The following ZHX2 variants were observed in gnomAD, a reference collection of about 807,000 sequenced individuals.
ZHX2 encodes zinc fingers and homeoboxes 2, also known as zinc fingers and homeoboxes protein 2.
A neutral mutation model predicts 21.9 loss-of-function variants in ZHX2; 6 were observed. That is an observed-to-expected ratio of 0.27 (90% CI 0.15 to 0.54). The LOEUF is 0.54. ZHX2 is among the 20% of genes least tolerant of loss of function. The probability of loss-of-function intolerance (pLI) is 0.95; values close to 1 mark genes in which losing one functional copy is unlikely to be tolerated. For synonymous variants in ZHX2, 434 were observed against 437.1 expected (o/e 0.99, Z 0.09); for missense variants, 908 against 1,090.7 (o/e 0.83, Z 2.36).
chr8:122,801,208 AATTACCTACTTC>A (rs1287699429), intron 1 of ZHX2, among the ~76,000 whole-genome samples: 46 of 152,336 alleles, frequency 3.0e-4, no homozygotes, highest in African/African-American at 1.1e-3. Context: ...ATTTGTTGCT[AATTACCTACTTC>A]ATTATAAGTA....
chr8:122,879,459 C>T (rs1026795882), intron 2 of ZHX2, among the ~76,000 whole-genome samples: 17 of 151,716 alleles, frequency 1.1e-4, no homozygotes, highest in Non-Finnish European at 1.6e-4. Context: ...CCCACCTTGG[C>T]CTCCCAAAGT....
At chr8:122,936,907 T>C (rs1385037695) in intron 2 of ZHX2, among the ~76,000 whole-genome samples, 1 of 152,232 alleles carries the variant, frequency 6.6e-6, no homozygotes, top group African/African-American at 2.4e-5. Flanking sequence ...GGAATCCCAC[T>C]AATTCTGACT....
At chr8:122,867,810 C>T (rs1563760624) in intron 2 of ZHX2, among the ~76,000 whole-genome samples, 1 of 152,198 alleles carries the variant, frequency 6.6e-6, no homozygotes, top group African/African-American at 2.4e-5. Flanking sequence ...CCCCGTACCA[C>T]CTCCCATCTA....
At chr8:122,921,531 C>T (rs1039143923) in intron 2 of ZHX2, among the ~76,000 whole-genome samples, 3 of 152,030 alleles carry the variant, frequency 2.0e-5, no homozygotes, top group Non-Finnish European at 2.9e-5. Flanking sequence ...AAAAAAGAAG[C>T]GTGGGCGTGG....
At chr8:122,824,420 C>CG (rs1818218552) in intron 1 of ZHX2, among the ~76,000 whole-genome samples, 14 of 152,194 alleles carry the variant, frequency 9.2e-5, no homozygotes, top group Admixed American at 3.9e-4. Context: ...CCAATGAACC[C>CG]TCACCCACAG....
At chr8:122,915,303 C>CCCAT (rs1404208724) in intron 2 of ZHX2, among the ~76,000 whole-genome samples, 2 of 152,178 alleles carry the variant, frequency 1.3e-5, no homozygotes, top group African/African-American at 4.8e-5. Flanking sequence ...ATCTTATGAA[C>CCCAT]ATGGCCCTGT....
At chr8:122,846,395 T>G (rs767099373) in intron 1 of ZHX2, among the ~76,000 whole-genome samples, 1 of 152,144 alleles carries the variant, frequency 6.6e-6, no homozygotes, top group Non-Finnish European at 1.5e-5. Flanking sequence ...CTGAGTGAGC[T>G]AGAATGCTGC....
chr8:122,958,357 C>G (rs1813359681), intron 3 of ZHX2, among the ~76,000 whole-genome samples: 1 of 152,176 alleles, frequency 6.6e-6, no homozygotes, highest in South Asian at 2.1e-4. Context: ...TAGGAAAAGG[C>G]TGAAAATTAG....
At chr8:122,970,945 G>A (rs1813705087) in intron 3 of ZHX2, among the ~76,000 whole-genome samples, 1 of 152,174 alleles carries the variant, frequency 6.6e-6, no homozygotes, top group South Asian at 2.1e-4. Flanking sequence ...TGCATGACCT[G>A]GACCCAAAAT....
At chr8:122,931,050 G>A (rs1563589604) in intron 2 of ZHX2, among the ~76,000 whole-genome samples, 2 of 152,106 alleles carry the variant, frequency 1.3e-5, no homozygotes, top group Non-Finnish European at 2.9e-5. Context: ...AAGGTCACCT[G>A]CCAATAACCC....
At chr8:122,844,765 CTTTTTGGTT>C (rs1818717710) in intron 1 of ZHX2, among the ~76,000 whole-genome samples, 1 of 152,200 alleles carries the variant, frequency 6.6e-6, no homozygotes, top group South Asian at 2.1e-4. Context: ...CACACACACA[CTTTTTGGTT>C]TAAATAGCAG....
chr8:122,970,878 C>T (rs1259008601), intron 3 of ZHX2, among the ~76,000 whole-genome samples: 2 of 152,208 alleles, frequency 1.3e-5, no homozygotes, highest in Non-Finnish European at 2.9e-5. Context: ...AGCCCCCTAC[C>T]TTTGAAGCCA....
At chr8:122,948,592 C>G (rs1365108094) in intron 2 of ZHX2, among the ~76,000 whole-genome samples, 1 of 152,000 alleles carries the variant, frequency 6.6e-6, no homozygotes, top group African/African-American at 2.4e-5. Flanking sequence ...TCTAAACATA[C>G]AAAAGTTCTT....
At chr8:122,862,482 C>T (rs963038591) in intron 1 of ZHX2, among the ~76,000 whole-genome samples, 2 of 152,306 alleles carry the variant, frequency 1.3e-5, no homozygotes, top group East Asian at 1.9e-4. Flanking sequence ...AAAATACAGG[C>T]TGCTCCCATA....
intron 3 of ZHX2, among the ~76,000 whole-genome samples, chr8:122,955,475 C>T (rs1467566086): frequency 1.3e-5 from 2 of 152,172 alleles, no homozygotes; most frequent in East Asian, 1.9e-4. Flanking sequence ...CTGACCACGT[C>T]GCTCATTAAC....
chr8:122,882,345 C>T (rs924267016), intron 2 of ZHX2, among the ~76,000 whole-genome samples: 1 of 151,964 alleles, frequency 6.6e-6, no homozygotes, highest in Non-Finnish European at 1.5e-5. Flanking sequence ...AGAGACAGCT[C>T]TCTTATTTCC....
At chr8:122,820,556 G>T (rs1017516020) in intron 1 of ZHX2, among the ~76,000 whole-genome samples, 1 of 152,238 alleles carries the variant, frequency 6.6e-6, no homozygotes, top group Non-Finnish European at 1.5e-5. Context: ...CGGGAGCGGG[G>T]GATGGGGGAG....
chr8:122,782,656 G>C lies in ZHX2; in HGVS notation c.-283+710G>C, dbSNP rs1817315121. The stretch of plus-strand genomic sequence containing the variant: ...GGCGCGCAGCGCGGGCGGCAGCCGA[G>C]CTACCTGGCGGGGGCAGGGCCGGAG... On this transcript the variant is annotated intron_variant, in intron 1 of 3. Transcript: ENST00000314393. This position sits in a 1 kb window ranked among gnomAD's most constrained non-coding sequence, Gnocchi z 5.3. Among the ~76,000 whole-genome samples the C allele has an allele frequency of 6.6e-6, 1 of 152,132 alleles. No individual in the cohort carries two copies. Among genetic ancestry groups the C allele is most frequent in the Admixed American group, 6.5e-5 (1 of 15,280 alleles).
chr8:122,784,648 A>G (rs1817358315), intron 1 of ZHX2, among the ~76,000 whole-genome samples: 1 of 152,242 alleles, frequency 6.6e-6, no homozygotes, highest in South Asian at 2.1e-4. Flanking sequence ...CAGCAACTAT[A>G]ATGTTCATTA....
Sources: gnomAD v4.1 joint callset for allele counts (sites outside exome capture counted in the v4.1 genomes callset) on GRCh38, gnomAD v4.1.1 for gene constraint, Gnocchi (gnomAD v3.1) non-coding constraint, MANE v1.5 for transcripts, NCBI Gene and HGNC (gene_info 2026-07-23, HGNC 2026-07-21) for gene names.